STX4: variants seen among roughly 807,000 people sequenced by gnomAD.
The protein encoded by STX4 is syntaxin-4.
STX4 carries 24 observed loss-of-function variants against 41.8 expected under a neutral mutation model. The observed-to-expected ratio is 0.57, with a 90% CI of 0.42 to 0.81. The LOEUF is 0.81. Among genes scored for constraint, STX4 ranks in the 30% least tolerant of loss-of-function variants. The pLI is 0.00. For missense variants in STX4, 316 were observed against 389.9 expected, an observed-to-expected ratio of 0.81 and a Z score of 1.60; for synonymous variants, 158 against 156.4, an observed-to-expected ratio of 1.01 and a Z score of -0.08.
In STX4 at chr16:31,033,869, C is replaced by A. The variant is rs764458755; in HGVS notation, c.30+34C>A. 7 of 1,451,798 alleles carry A rather than the reference C, an allele frequency of 4.8e-6. No homozygotes were observed. The Admixed American group carries it at 1.2e-4, about 24-fold the overall frequency. The allele number at this position is 1,451,798 out of a possible 1,614,324, so 89.9% of individuals were successfully genotyped here. A position where few individuals can be genotyped will look rare whatever the true frequency, so the allele number is the denominator to read the frequency against. On this transcript the variant is annotated intron_variant, in intron 1 of 10. Coordinates refer to ENST00000313843, the MANE Select transcript of STX4 (RefSeq NM_004604.5). The surrounding 1 kb of genome is among the most constrained non-coding windows in gnomAD (Gnocchi z 5.5). ...CCAGGGCAGCGGGGATGGGGACGGGCGGACGAACTGGAACGCAGGACTTCT... is the reference window on the plus strand; with the variant it reads ...CCAGGGCAGCGGGGATGGGGACGGGAGGACGAACTGGAACGCAGGACTTCT...
intron 5 of STX4, among the ~76,000 whole-genome samples, chr16:31,035,318 CAT>C (rs1157052110): frequency 1.2e-4 from 19 of 152,218 alleles, no homozygotes; most frequent in Admixed American, 9.2e-4. Context: ...CTGTGGGACA[CAT>C]GTTTTCTTTT....
At chr16:31,034,583 T>C (rs578233970) in intron 4 of STX4, 47 bp downstream of exon 4, 8 of 1,504,536 alleles carry the variant, frequency 5.3e-6, no homozygotes, top group Middle Eastern at 1.9e-4. Flanking sequence ...GATCCTGCCC[T>C]GTTGTTGGTA....
Position 31,039,654 on chromosome 16 carries a change from G to C in STX4, c.813+3G>C. The C allele has an allele frequency of 6.2e-7, 1 of 1,614,180 alleles. No homozygotes were observed. The highest frequency in any genetic ancestry group is 1.3e-5 in the African/African-American group (1 of 75,048). On this transcript the variant is annotated splice_donor_region_variant and intron_variant, in intron 9 of 10. Coordinates refer to ENST00000313843, the MANE Select transcript of STX4 (RefSeq NM_004604.5). The surrounding 1 kb of genome is among the most constrained non-coding windows in gnomAD (Gnocchi z 4.1). ...AGAACCAGAAGAAGGCGAGGAAGGTGAGCCTCCCAGGCCCGGCCACTGCCC... is the reference window on the plus strand; with the variant it reads ...AGAACCAGAAGAAGGCGAGGAAGGTCAGCCTCCCAGGCCCGGCCACTGCCC...
intron 2 of STX4, 34 bp from the exon 3 acceptor site, chr16:31,034,192 T>TA: frequency 6.2e-7 from 1 of 1,613,856 alleles, no homozygotes; most frequent in South Asian, 1.1e-5. Context: ...GAGTACCCCA[T>TA]ATCTCTTTCA....
At chr16:31,037,824 A>T in intron 5 of STX4, 102 bp from the exon 6 acceptor site, 2 of 1,171,158 alleles carry the variant, frequency 1.7e-6, no homozygotes, top group Non-Finnish European at 2.5e-6. Context: ...CAGATCCCGC[A>T]TAAGAGCTCA....
chr16:31,034,089 G>A lies in STX4; in HGVS notation c.107G>A (p.Ser36Asn), dbSNP rs1285892053. The A allele has an allele frequency of 6.2e-7, 1 of 1,609,574 alleles. No homozygotes were observed. Among genetic ancestry groups the A allele is most frequent in the African/African-American group, 1.3e-5 (1 of 74,964 alleles). The change falls in exon 2 of 11, where the codon AGC becomes AAC. Residue 36 changes from serine to asparagine, a missense_variant. Coordinates refer to ENST00000313843, the MANE Select transcript of STX4 (RefSeq NM_004604.5). ...VVHPGTARLG[S>N]PDEEFFHKVR... ...CACCCGGGCACGGCACGGCTGGGGA[G>A]CCCGGACGAGGAGTTCTTCCACAAG... is the stretch of plus-strand genomic sequence containing the variant.
At position 31,033,943 on chromosome 16, in the gene STX4, G is replaced by A. The variant is rs2056776431; in HGVS notation, c.31-70G>A. On this transcript the variant is annotated intron_variant, in intron 1 of 10. Coordinates refer to ENST00000313843, the MANE Select transcript of STX4 (RefSeq NM_004604.5). The surrounding 1 kb of genome is among the most constrained non-coding windows in gnomAD (Gnocchi z 5.5). ...GCTGATGGCCAGGAAGGAAAGTCCC[G>A]GAAGCCTGTGGGTCCTGCGGGGTAA... 2 of 1,472,776 alleles carry A rather than the reference G, an allele frequency of 1.4e-6. No individual in the cohort carries two copies. The highest frequency in any genetic ancestry group is 1.4e-5 in the African/African-American group (1 of 70,650). 91.2% of individuals were successfully genotyped at this position (1,472,776 alleles called of 1,614,324 possible).
intron 5 of STX4, among the ~76,000 whole-genome samples, chr16:31,036,508 A>G (rs1427843374): frequency 6.6e-6 from 1 of 152,148 alleles, no homozygotes; most frequent in Non-Finnish European, 1.5e-5. Context: ...CAGCAGTTAC[A>G]TATTGGGTGC....
intron 5 of STX4, among the ~76,000 whole-genome samples, chr16:31,037,053 G>GACC (rs1555496652): frequency 2.3e-5 from 1 of 44,100 alleles, no homozygotes; most frequent in East Asian, 2.8e-3. Context: ...AATATAGTGA[G>GACC]ACCCCCCCCC....
chr16:31,034,058 G>T lies in STX4; in HGVS notation c.76G>T (p.Val26Leu). Residue 26 changes from valine to leucine, a missense_variant, in exon 2 of 11, where the codon GTG (valine) becomes TTG (leucine). Coordinates refer to ENST00000313843, the MANE Select transcript of STX4 (RefSeq NM_004604.5). ...DEEDKERVAL[V>L]VHPGTARLGS... Reference sequence around the variant, plus strand: ...AGAGGACAAGGAGCGGGTCGCGCTGGTGGTGCACCCGGGCACGGCACGGCT... The same window carrying T: ...AGAGGACAAGGAGCGGGTCGCGCTGTTGGTGCACCCGGGCACGGCACGGCT... 1 of 1,610,262 alleles carries T rather than the reference G, an allele frequency of 6.2e-7. No individual in the cohort carries two copies. Among genetic ancestry groups the T allele is most frequent in the East Asian group, 2.2e-5 (1 of 44,794 alleles).
In STX4 at chr16:31,038,598, G is replaced by A. The variant is rs373829816; in HGVS notation, c.653G>A (p.Arg218His). 24 of 1,613,978 alleles carry A rather than the reference G, an allele frequency of 1.5e-5. No individual in the cohort carries two copies. The highest frequency in any genetic ancestry group is 3.3e-5 in the South Asian group (3 of 91,080). ...SEIQQLERSI[R>H]ELHDIFTFLA... The stretch of plus-strand genomic sequence containing the variant: ...ATCCAGCAGCTTGAACGCAGTATTC[G>A]TGAGCTGCACGACATATTCACTTTT... The change falls in exon 8 of 11, where the codon CGT (arginine) becomes CAT (histidine). Residue 218 changes from arginine to histidine, a missense_variant. Arg to His is a conservative substitution (Grantham distance 29, BLOSUM62 0). Coordinates refer to ENST00000313843, the MANE Select transcript of STX4 (RefSeq NM_004604.5).
chr16:31,034,191 A>C (rs1283027029), intron 2 of STX4, 35 bp from the exon 3 acceptor site: 2 of 1,613,864 alleles, frequency 1.2e-6, no homozygotes. Context: ...GGAGTACCCC[A>C]TATCTCTTTC....
Position 31,039,639 on chromosome 16 carries a change from G to A in STX4, c.801G>A (p.Lys267=). The A allele has an allele frequency of 6.2e-7, 1 of 1,614,184 alleles. No homozygotes were observed. The highest frequency in any genetic ancestry group is 8.5e-7 in the Non-Finnish European group (1 of 1,180,024). ...TCAAGACGGCCCTGGAGAACCAGAAGAAGGCGAGGAAGGTGAGCCTCCCAG... is the reference window on the plus strand; with the variant it reads ...TCAAGACGGCCCTGGAGAACCAGAAAAAGGCGAGGAAGGTGAGCCTCCCAG... ...EHVKTALENQ[K]KARKKKVLIA... Residue 267 remains lysine, a synonymous_variant, in exon 9 of 11, where the codon AAG becomes AAA. Coordinates refer to ENST00000313843, the MANE Select transcript of STX4 (RefSeq NM_004604.5). The surrounding 1 kb of genome is among the most constrained non-coding windows in gnomAD (Gnocchi z 4.1).
At chr16:31,033,273 C>T (rs556449104), upstream of STX4, 2 of 701,636 alleles carry the variant, frequency 2.9e-6, no homozygotes, top group Non-Finnish European at 5.3e-6. The surrounding 1 kb of genome is among the most constrained non-coding windows in gnomAD (Gnocchi z 5.5). Flanking sequence ...TTCTGCGGTC[C>T]ACGAGTTTGG....
chr16:31,034,684 C>T, intron 4 of STX4, 148 bp downstream of exon 4: 1 of 892,406 alleles, frequency 1.1e-6, no homozygotes. Flanking sequence ...GGCCTCCAGG[C>T]CATTGTACTC....
intron 4 of STX4, 199 bp downstream of exon 4, chr16:31,034,735 A>G (rs1244669022): frequency 2.1e-5 from 15 of 704,566 alleles, no homozygotes; most frequent in Non-Finnish European, 2.9e-5. Context: ...TTTATTTACA[A>G]TGAAACCATT....
At chr16:31,038,270 C>A in intron 7 of STX4, 80 bp downstream of exon 7, 1 of 1,552,732 alleles carries the variant, frequency 6.4e-7, no homozygotes, top group Non-Finnish European at 8.8e-7. Context: ...CTCCTGGGCT[C>A]AGGTGATCCT....
chr16:31,038,430 T>C (rs771516648), intron 7 of STX4, 80 bp from the exon 8 acceptor site: 6 of 1,578,818 alleles, frequency 3.8e-6, no homozygotes, highest in Non-Finnish European at 3.5e-6. Context: ...GGCTGAGGGC[T>C]CCCCAGAAGC....
At chr16:31,033,203 G>C (rs1199829646), upstream of STX4, 1 of 626,384 alleles carries the variant, frequency 1.6e-6, no homozygotes, top group Non-Finnish European at 3.0e-6. The surrounding 1 kb of genome is among the most constrained non-coding windows in gnomAD (Gnocchi z 5.5). Context: ...GTCGTGATGA[G>C]AACGGCGTCC....
Sources: gnomAD v4.1 joint callset for allele counts (sites outside exome capture counted in the v4.1 genomes callset) on GRCh38, gnomAD v4.1.1 for gene constraint, Gnocchi (gnomAD v3.1) non-coding constraint, MANE v1.5 for transcripts, NCBI Gene and HGNC (gene_info 2026-07-23, HGNC 2026-07-21) for gene names.